The following SLC12A3 variants were observed in gnomAD, a reference collection of about 807,000 sequenced individuals.
SLC12A3 encodes the protein Na-Cl cotransporter.
A neutral mutation model predicts 121.0 loss-of-function variants in SLC12A3; 104 were observed. The observed-to-expected ratio is 0.86, with a 90% confidence interval of 0.73 to 1.01. The LOEUF is 1.01. Ranked by LOEUF, SLC12A3 falls within the 50% of genes least tolerant of loss-of-function variation. The pLI, the probability that SLC12A3 is intolerant of heterozygous loss-of-function variation, is 0.00. For missense variants in SLC12A3, 1,328 were observed against 1,356.3 expected, an observed-to-expected ratio of 0.98 and a Z score of 0.33; for synonymous variants, 536 against 533.4, an observed-to-expected ratio of 1.00 and a Z score of -0.07.
chr16:56,870,295 C>T, intron 5 of SLC12A3, 60 bp downstream of exon 5: 2 of 1,565,492 alleles, frequency 1.3e-6, no homozygotes, highest in Non-Finnish European at 1.7e-6. Context: ...GCACTCTCCT[C>T]CGCCCCATCT....
rs35082264 is a variant in SLC12A3 at position 56,913,303 on chromosome 16, G to A, written c.2964G>A (p.Ser988=). ...GGAGGAAGGGGAAGTGCCCCAGCTC[G>A]CTGTACATGGCCTGGCTGGAGACCC... The part of the protein sequence containing the change: ...PIGRKGKCPS[S]LYMAWLETLS... Residue 988 remains serine (S), a synonymous_variant, in exon 26 of 26, where the codon TCG becomes TCA. Coordinates refer to ENST00000563236, the MANE Select transcript of SLC12A3 (RefSeq NM_001126108.2). The A allele has an allele frequency of 1.3e-3, 2,097 of 1,614,164 alleles. 26 individuals are homozygous for A. The African/African-American group carries it at 0.025, about 19-fold the overall frequency.
At chr16:56,884,470 G>C (rs1370807228) in intron 14 of SLC12A3, among the ~76,000 whole-genome samples, 2 of 152,190 alleles carry the variant, frequency 1.3e-5, no homozygotes, top group African/African-American at 4.8e-5. Flanking sequence ...GAGCTTCCAG[G>C]GCCTGCTTCA....
intron 19 of SLC12A3, among the ~76,000 whole-genome samples, chr16:56,891,877 C>A (rs1430754233): frequency 2.0e-5 from 3 of 152,088 alleles, no homozygotes; most frequent in Non-Finnish European, 4.4e-5. Context: ...GTTTGAGGGG[C>A]AAGAGGAGGC....
chr16:56,876,352 A>G (rs1204763788), intron 8 of SLC12A3, among the ~76,000 whole-genome samples: 1 of 152,164 alleles, frequency 6.6e-6, no homozygotes, highest in Admixed American at 6.5e-5. Context: ...ACGCTATTCA[A>G]TCCACTAGAG....
Position 56,892,126 on chromosome 16 carries a change from C to A in SLC12A3, c.2412C>A (p.Ser804Arg), listed in dbSNP as rs368730391. 2 of 1,613,766 alleles carry A rather than the reference C, an allele frequency of 1.2e-6. No homozygotes were observed. Among genetic ancestry groups the A allele is most frequent in the Admixed American group, 1.7e-5 (1 of 60,010 alleles). Residue 804 changes from serine to arginine, a missense_variant, in exon 20 of 26, where the codon AGC (serine) becomes AGA (arginine). By Grantham distance (110) the Ser-to-Arg change is moderately radical. Coordinates refer to ENST00000563236, the MANE Select transcript of SLC12A3 (RefSeq NM_001126108.2). Reference protein sequence around the residue: ...FDPAEDGKEASARVDPKALVK... With the variant: ...FDPAEDGKEARARVDPKALVK... ...CAGCGGAGGACGGGAAGGAAGCCAG[C>A]GCCAGAGGTGCCAGGCCATCAGTCT...
chr16:56,895,192 A>ATTTTTTTTTTTT (rs34438029), intron 22 of SLC12A3, among the ~76,000 whole-genome samples: 1 of 126,664 alleles, frequency 7.9e-6, no homozygotes, highest in Admixed American at 8.3e-5. Flanking sequence ...ATATATTTTA[A>ATTTTTTTTTTTT]TTTTTTTTTT....
rs201415864 is a variant in SLC12A3, at chr16:56,889,120, G to GA, written c.2285+1089_2285+1090insA. Among the ~76,000 whole-genome samples the GA allele has an allele frequency of 5.6e-3, 846 of 152,328 alleles. 16 individuals are homozygous for GA. Among genetic ancestry groups the GA allele is most frequent in the South Asian group, 0.038 (184 of 4,828 alleles). ...GGCTTTTCTGTGTTGATGTTGTTGT[G>GA]TGAGGTATCACTGAACAACATGAGG... On this transcript the variant is annotated intron_variant, in intron 18 of 25. Coordinates refer to ENST00000563236, the MANE Select transcript of SLC12A3 (RefSeq NM_001126108.2).
intron 24 of SLC12A3, 46 bp from the exon 25 acceptor site, chr16:56,904,349 G>T: frequency 1.3e-6 from 2 of 1,565,550 alleles, no homozygotes; most frequent in South Asian, 2.2e-5. Context: ...AGGATTGAGT[G>T]ACCTCGATGA....
In SLC12A3 at chr16:56,867,231, G is replaced by A. The variant is rs372880278; in HGVS notation, c.429+15G>A. The A allele has an allele frequency of 8.8e-6, 14 of 1,598,308 alleles. No homozygotes were observed. Among genetic ancestry groups the A allele is most frequent in the Non-Finnish European group, 1.2e-5 (14 of 1,173,254 alleles). The stretch of plus-strand genomic sequence containing the variant: ...AGGGGGTGATGGTGAGTGGGGTGTG[G>A]GTGGTGCGTGATGTCCAGAAATGGG... On this transcript the variant is annotated intron_variant, in intron 2 of 25. Coordinates refer to ENST00000563236, the MANE Select transcript of SLC12A3 (RefSeq NM_001126108.2).
In SLC12A3 at chr16:56,886,406, G is replaced by C; in HGVS notation, c.1968G>C (p.Pro656=). 6.2e-7 allele frequency: 1 copy of C among 1,614,064 alleles called. No individual in the cohort carries two copies. Among genetic ancestry groups the C allele is most frequent in the Non-Finnish European group, 8.5e-7 (1 of 1,180,028 alleles). Residue 656 remains proline, a synonymous_variant, in exon 16 of 26, where the codon CCG becomes CCC. Transcript: ENST00000563236. ...TCACGGGGCCCCCCAACTTCCGCCC[G>C]GCCCTGGTGGACTTTGTGGGCACCT... ...LVLTGPPNFR[P]ALVDFVGTFT...
At chr16:56,898,242 T>A (rs2055492032) in intron 22 of SLC12A3, among the ~76,000 whole-genome samples, 1 of 149,324 alleles carries the variant, frequency 6.7e-6, no homozygotes, top group South Asian at 2.1e-4. Context: ...ATTTTTTTGT[T>A]AGTTTGATTT....
intron 12 of SLC12A3, 125 bp downstream of exon 12, chr16:56,880,378 C>G: frequency 8.4e-7 from 1 of 1,197,480 alleles, no homozygotes; most frequent in Non-Finnish European, 1.2e-6. Flanking sequence ...TTAGTGGGCA[C>G]TAAGAGGCTA....
At chr16:56,872,503 G>T in intron 7 of SLC12A3, 41 bp downstream of exon 7, 2 of 1,593,654 alleles carry the variant, frequency 1.3e-6, no homozygotes. Context: ...TCTGGGGACA[G>T]GGACTCTCTA....
rs535318376 is a variant in SLC12A3, at chr16:56,911,307, T to G, written c.2925-1957T>G. On this transcript the variant is annotated intron_variant, in intron 25 of 25. Transcript: ENST00000563236. ...CCCACCTTCCCTAATTTTTGAGACC[T>G]TTTGTTTGTTTGTTTGTTTGTTTGT... 2.6e-4 allele frequency among the ~76,000 whole-genome samples: 39 copies of G among 148,436 alleles called. No homozygotes were observed. The South Asian group carries it at 6.6e-3, about 25-fold the overall frequency.
rs55644914 is a variant in SLC12A3 at position 56,908,161 on chromosome 16, CTTT to C, written c.2924+3716_2924+3718del. Among the ~76,000 whole-genome samples, 513 of 96,940 alleles carry C rather than the reference CTTT, an allele frequency of 5.3e-3. 13 individuals are homozygous for C. Among genetic ancestry groups the C allele is most frequent in the African/African-American group, 0.022 (488 of 21,854 alleles). 63.6% of individuals were successfully genotyped at this position (96,940 alleles called of 152,430 possible). On this transcript the variant is annotated intron_variant, in intron 25 of 25. Transcript: ENST00000563236. ...ATTCATTTCTCAGATAGTGATATAACTTTTTTTTTTTTTTTTTTTGAGGCAGAG... is the reference window on the plus strand; with the variant it reads ...ATTCATTTCTCAGATAGTGATATAACTTTTTTTTTTTTTTTTGAGGCAGAG...
chr16:56,867,376 AGC>A (rs1567425231), intron 2 of SLC12A3, among the ~76,000 whole-genome samples, 160 bp downstream of exon 2: 1 of 152,082 alleles, frequency 6.6e-6, no homozygotes, highest in African/African-American at 2.4e-5. Flanking sequence ...AATAGATTAA[AGC>A]CTGCCGGGGA....
intron 23 of SLC12A3, among the ~76,000 whole-genome samples, chr16:56,901,769 C>A (rs149700329): frequency 2.7e-4 from 41 of 152,340 alleles, no homozygotes; most frequent in African/African-American, 9.4e-4. Flanking sequence ...CCTGTCCTCA[C>A]CTCCTCCCAC....
chr16:56,894,978 A>G (rs556589021), intron 22 of SLC12A3, among the ~76,000 whole-genome samples: 1 of 151,678 alleles, frequency 6.6e-6, no homozygotes, highest in South Asian at 2.1e-4. Context: ...AAAGGAATCC[A>G]TTTTTTAAAT....
At chr16:56,906,217 G>A (rs1296225129) in intron 25 of SLC12A3, among the ~76,000 whole-genome samples, 3 of 152,174 alleles carry the variant, frequency 2.0e-5, no homozygotes, top group Non-Finnish European at 2.9e-5. Context: ...TGAGTACTGT[G>A]TACGTTGCAT....
Sources: allele counts gnomAD v4.1 joint callset (sites outside exome capture counted in the v4.1 genomes callset), GRCh38; gene constraint gnomAD v4.1.1; transcripts MANE v1.5; gene names NCBI Gene and HGNC (gene_info 2026-07-23, HGNC 2026-07-21).